BRF1: variants seen among roughly 807,000 people sequenced by gnomAD.
BRF1 encodes transcription factor IIIB 90 kDa subunit.
A neutral mutation model predicts 81.7 loss-of-function variants in BRF1; 59 were observed. The observed-to-expected ratio is 0.72, with a 90% CI of 0.59 to 0.90. BRF1 has a LOEUF of 0.90. Among genes scored for constraint, BRF1 ranks in the 40% least tolerant of loss-of-function variants. The pLI is 0.00. For synonymous variants in BRF1, 491 were observed against 395.6 expected, an observed-to-expected ratio of 1.24 and a Z score of -2.86; for missense variants, 1,050 against 936.3, an observed-to-expected ratio of 1.12 and a Z score of -1.58.
intron 10 of BRF1, among the ~76,000 whole-genome samples, chr14:105,225,383 G>C (rs1312208638): frequency 1.3e-5 from 2 of 152,168 alleles, no homozygotes; most frequent in Non-Finnish European, 2.9e-5. Context: ...TGGGAAGTGG[G>C]GGCGGGGTCA....
At chr14:105,273,668 G>A (rs1486375064) in intron 2 of BRF1, among the ~76,000 whole-genome samples, 1 of 152,170 alleles carries the variant, frequency 6.6e-6, no homozygotes, top group African/African-American at 2.4e-5. Context: ...GGGATCTAGG[G>A]CTGTGCAGGA....
chr14:105,228,672 G>T (rs2054208359), intron 7 of BRF1, 148 bp downstream of exon 7: 1 of 837,356 alleles, frequency 1.2e-6, no homozygotes, highest in Non-Finnish European at 1.9e-6. Context: ...CCAAGCCATA[G>T]TGTGACCGGG....
At chr14:105,278,435 C>CAA (rs368178497) in intron 2 of BRF1, among the ~76,000 whole-genome samples, 30,322 of 108,156 alleles carry the variant, frequency 0.28, 3,540 homozygotes, top group South Asian at 0.35. Context: ...ACCCTGTCTC[C>CAA]AAAAAAAAAA....
chr14:105,282,347 G>A (rs2057141100), intron 2 of BRF1, among the ~76,000 whole-genome samples: 1 of 152,228 alleles, frequency 6.6e-6, no homozygotes, highest in Admixed American at 6.5e-5. Flanking sequence ...GTCGCTGCGG[G>A]CAGGAAGGGT....
At chr14:105,266,284 G>A (rs2056412628) in intron 3 of BRF1, among the ~76,000 whole-genome samples, 1 of 152,110 alleles carries the variant, frequency 6.6e-6, no homozygotes. Flanking sequence ...CATCTCTAGT[G>A]CACCTATGGT....
chr14:105,278,421 C>T (rs1226867339), intron 2 of BRF1, among the ~76,000 whole-genome samples: 5 of 140,886 alleles, frequency 3.5e-5, no homozygotes, highest in Non-Finnish European at 7.6e-5. Flanking sequence ...AGCAAGAGAG[C>T]GAGACCCTGT....
chr14:105,261,825 C>T (rs2056169972), intron 3 of BRF1, among the ~76,000 whole-genome samples: 1 of 152,214 alleles, frequency 6.6e-6, no homozygotes, highest in African/African-American at 2.4e-5. Flanking sequence ...ACTGCGGCGC[C>T]CACACGGCGT....
Position 105,300,798 on chromosome 14 carries a change from C to T in BRF1, c.-169G>A. 3.2e-6 allele frequency: 1 copy of T among 315,078 alleles called. No individual in the cohort carries two copies. The highest frequency in any genetic ancestry group is 5.8e-5 in the Admixed American group (1 of 17,146). 19.5% of individuals were successfully genotyped at this position (315,078 alleles called of 1,614,324 possible). On this transcript the variant is annotated 5_prime_UTR_variant, in exon 1 of 18. Coordinates refer to ENST00000547530, the MANE Select transcript of BRF1 (RefSeq NM_001519.4). Reference sequence around the variant, plus strand: ...CGCAGATTCGCCGCGCGCGCCCGGGCCGCGCCGCCCGCAACGGCCGCGCCC... The same window carrying T: ...CGCAGATTCGCCGCGCGCGCCCGGGTCGCGCCGCCCGCAACGGCCGCGCCC...
intron 6 of BRF1, among the ~76,000 whole-genome samples, chr14:105,241,031 C>T (rs990043063): frequency 1.3e-5 from 2 of 152,236 alleles, no homozygotes; most frequent in African/African-American, 2.4e-5. Context: ...CAAGGCCGCT[C>T]TGCCCTGAGA....
Position 105,256,515 on chromosome 14 carries a change from T to A in BRF1, c.471+3A>T. ...GGAAAGATGCAGGACGGAGGCTGTC[T>A]ACCTGGAGCAGGTCGCTGAGGTCCA... On this transcript the variant is annotated splice_donor_region_variant and intron_variant, in intron 4 of 17. Coordinates refer to ENST00000547530, the MANE Select transcript of BRF1 (RefSeq NM_001519.4). 1 of 1,614,118 alleles carries A rather than the reference T, an allele frequency of 6.2e-7. No individual in the cohort carries two copies. The highest frequency in any genetic ancestry group is 1.7e-5 in the Admixed American group (1 of 60,026).
chr14:105,309,689 G>A lies in BRF1; in HGVS notation c.-162+5633C>T, dbSNP rs750603040. Among the ~76,000 whole-genome samples the A allele has an allele frequency of 6.6e-6, 1 of 152,072 alleles. No individual in the cohort carries two copies. The highest frequency in any genetic ancestry group is 1.5e-5 in the Non-Finnish European group (1 of 68,022). On this transcript the variant is annotated intron_variant, in intron 1 of 17. Coordinates refer to the BRF1 transcript ENST00000327359. This position sits in a 1 kb window ranked among gnomAD's most constrained non-coding sequence, Gnocchi z 4.0. ...GCGCCCAACCCAGGAGGGGAGCAGCGTGCAGGACACCGAGGATGTCATCAC... is the reference window on the plus strand; with the variant it reads ...GCGCCCAACCCAGGAGGGGAGCAGCATGCAGGACACCGAGGATGTCATCAC...
chr14:105,223,423 T>G (rs61996215), intron 10 of BRF1, among the ~76,000 whole-genome samples: 234 of 136,544 alleles, frequency 1.7e-3, no homozygotes, highest in African/African-American at 2.9e-3. Context: ...GAACAAACCA[T>G]TGATGCGTGA....
intron 1 of BRF1, among the ~76,000 whole-genome samples, chr14:105,296,487 T>A (rs183689168): frequency 1.0e-3 from 155 of 151,424 alleles, no homozygotes; most frequent in Non-Finnish European, 2.1e-3. Flanking sequence ...GACTCCAGCC[T>A]GGGTGACAGA....
intron 4 of BRF1, among the ~76,000 whole-genome samples, chr14:105,254,296 G>A (rs1425834331): frequency 1.2e-4 from 19 of 152,174 alleles, no homozygotes; most frequent in Non-Finnish European, 4.4e-5. Flanking sequence ...TTGCTCTGTC[G>A]CCCAGGCTGG....
intron 3 of BRF1, among the ~76,000 whole-genome samples, chr14:105,266,078 A>C (rs1352542432): frequency 2.0e-5 from 3 of 151,900 alleles, no homozygotes; most frequent in African/African-American, 7.3e-5. Flanking sequence ...CTCAAAAAAA[A>C]ACAAAACAAA....
In BRF1 at chr14:105,226,081, G is replaced by A. The variant is rs1262513946; in HGVS notation, c.1036C>T (p.Leu346=). 1.2e-6 allele frequency: 2 copies of A among 1,613,688 alleles called. No homozygotes were observed. Among genetic ancestry groups the A allele is most frequent in the East Asian group, 4.5e-5 (2 of 44,898 alleles). Residue 346 remains leucine, a synonymous_variant, in exon 10 of 18, where the codon CTG becomes TTG. Coordinates refer to ENST00000547530, the MANE Select transcript of BRF1 (RefSeq NM_001519.4). ...RPKAKGGLAS[L]AKDGSTEDTA... is the part of the protein sequence containing the mutation. ...ACAGTGGACTCACCATCTTTTGCCA[G>A]GCTGGCCAGGCCCCCCTTGGCCTTT... is the stretch of plus-strand genomic sequence containing the variant.
In BRF1 at chr14:105,254,022, G is replaced by T. The variant is rs587732492; in HGVS notation, c.472-1443C>A. On this transcript the variant is annotated intron_variant, in intron 4 of 17. Transcript: ENST00000547530. The stretch of plus-strand genomic sequence containing the variant: ...AGCCCCTGTGCTGGGTTCCTGCCAG[G>T]CCCCTGCATCTTGATCGTCCTGATC... 1.4e-4 allele frequency among the ~76,000 whole-genome samples: 22 copies of T among 152,276 alleles called. No homozygotes were observed. In the South Asian group the frequency reaches 4.6e-3, roughly 32 times the overall value.
chr14:105,306,617 T>G (rs1225357689), intron 1 of BRF1, among the ~76,000 whole-genome samples: 1 of 151,732 alleles, frequency 6.6e-6, no homozygotes, highest in Non-Finnish European at 1.5e-5. Context: ...TTTTGGGGGT[T>G]TTTTTTGAGA....
intron 5 of BRF1, chr14:105,248,768 G>A: frequency 1.0e-6 from 1 of 981,552 alleles, no homozygotes; most frequent in Non-Finnish European, 1.2e-6. Context: ...TGACCTCCTT[G>A]CTTTTGCTTG....
Sources: gnomAD v4.1 joint callset for allele counts (sites outside exome capture counted in the v4.1 genomes callset) on GRCh38, gnomAD v4.1.1 for gene constraint, Gnocchi (gnomAD v3.1) non-coding constraint, MANE v1.5 for transcripts, NCBI Gene and HGNC (gene_info 2026-07-23, HGNC 2026-07-21) for gene names.